The following ATP11C variants were observed in gnomAD, a reference collection of about 807,000 sequenced individuals.
The protein encoded by ATP11C is ATPase phospholipid transporting 11C (ATP11C blood group), also known as phospholipid-transporting ATPase IG.
A neutral mutation model predicts 97.4 loss-of-function variants in ATP11C; 36 were observed. The ratio of observed to expected loss-of-function variants is 0.37; its 90% CI spans 0.28 to 0.49. The LOEUF (loss-of-function observed/expected upper bound fraction) is 0.49, where lower values mean the gene tolerates loss of function less well. ATP11C is among the 20% of genes least tolerant of loss of function. The probability of loss-of-function intolerance (pLI) is 0.98; values close to 1 mark genes in which losing one functional copy is unlikely to be tolerated. For synonymous variants in ATP11C, 275 were observed against 290.9 expected (o/e 0.95, Z 0.56); for missense variants, 730 against 824.6 (o/e 0.89, Z 1.40).
At chrX:139,851,359 TGA>T (rs1466677860) in intron 1 of ATP11C, among the ~76,000 whole-genome samples, 1 of 112,095 alleles carries the variant, frequency 8.9e-6, no homozygotes, top group Non-Finnish European at 1.9e-5. Context: ...GTGCAGAATA[TGA>T]GAGTTGTGGG....
At position 139,783,286 on chromosome X, in the gene ATP11C, G is replaced by C; in HGVS notation, c.1667-19C>G. ...ATGTCTCCTAAAATAAAGAACCATA[G>C]TACTTGACTTAGAATTTTAAGGCTG... On this transcript the variant is annotated intron_variant, in intron 16 of 29. Transcript: ENST00000682941. 1 of 1,102,724 alleles carries C rather than the reference G, an allele frequency of 9.1e-7. No homozygotes were observed. The highest frequency in any genetic ancestry group is 1.2e-6 in the Non-Finnish European group (1 of 803,948). 90.9% of individuals were successfully genotyped at this position (1,102,724 alleles called of 1,213,427 possible). A position where few individuals can be genotyped will look rare whatever the true frequency, so the allele number is the denominator to read the frequency against.
chrX:139,873,673 C>G (rs1033405123), intron 1 of ATP11C, among the ~76,000 whole-genome samples: 1 of 90,242 alleles, frequency 1.1e-5, no homozygotes, highest in African/African-American at 4.4e-5. Context: ...CACCACTGCA[C>G]TCCAGGCTGG....
intron 12 of ATP11C, among the ~76,000 whole-genome samples, chrX:139,794,436 G>C (rs1221673594): frequency 8.9e-6 from 1 of 112,199 alleles, no homozygotes. Flanking sequence ...CTTTCATTTA[G>C]GTCGTTTCTA....
rs1443011660 is a variant in ATP11C at position 139,826,802 on chromosome X, C to T, written c.49G>A (p.Val17Ile). The T allele has an allele frequency of 1.7e-6, 2 of 1,207,491 alleles. No individual in the cohort carries two copies. The highest frequency in any genetic ancestry group is 1.7e-5 in the African/African-American group (1 of 57,711). ...CCAACAAACACTGTGCGTGTGCCAACTCGTTTCTCTTCTCCAGCACACTGA... is the reference window on the plus strand; with the variant it reads ...CCAACAAACACTGTGCGTGTGCCAATTCGTTTCTCTTCTCCAGCACACTGA... ...NRFCAGEEKR[V>I]GTRTVFVGNH... is the part of the protein sequence containing the mutation. The change falls in exon 2 of 30, where the codon GTT becomes ATT. Residue 17 changes from valine to isoleucine, a missense_variant. Transcript: ENST00000682941.
intron 1 of ATP11C, among the ~76,000 whole-genome samples, chrX:139,842,233 C>T (rs1033820774): frequency 1.8e-5 from 2 of 112,091 alleles, no homozygotes; most frequent in African/African-American, 3.2e-5. Context: ...AGGGTTTCAC[C>T]GTGTTAGCCA....
intron 1 of ATP11C, among the ~76,000 whole-genome samples, chrX:139,922,623 T>C (rs1227140182): frequency 2.7e-5 from 3 of 109,634 alleles, no homozygotes; most frequent in Non-Finnish European, 5.7e-5. Context: ...TTCACTCTTT[T>C]TCTGCCATGT....
chrX:139,912,470 T>C (rs1477129578), intron 1 of ATP11C, among the ~76,000 whole-genome samples: 1 of 110,848 alleles, frequency 9.0e-6, no homozygotes, highest in African/African-American at 3.3e-5. Context: ...GCACATATTT[T>C]ATATCTATTC....
Position 139,840,663 on chromosome X carries a change from C to T in ATP11C, c.28-13840G>A, listed in dbSNP as rs185928968. Among the ~76,000 whole-genome samples the T allele has an allele frequency of 1.3e-4, 15 of 111,931 alleles. No homozygotes were observed. In the Admixed American group the frequency reaches 1.4e-3, roughly 11 times the overall value. ...TTTCAGAAGGGCCTATCATCTGGCA[C>T]TAGTGTGTACCATGGAACAGAGGCT... On this transcript the variant is annotated intron_variant, in intron 1 of 29. Transcript: ENST00000682941.
chrX:139,934,350 C>A (rs1313951199), upstream of ATP11C, among the ~76,000 whole-genome samples: 1 of 111,026 alleles, frequency 9.0e-6, no homozygotes, highest in Non-Finnish European at 1.9e-5. Context: ...GTAAAACCAA[C>A]CGTTTTCAAT....
intron 20 of ATP11C, among the ~76,000 whole-genome samples, chrX:139,766,316 A>G (rs1049652985): frequency 4.5e-5 from 5 of 112,126 alleles, no homozygotes; most frequent in African/African-American, 1.6e-4. Context: ...AGGAATTCAT[A>G]TACCTGCCTG....
intron 1 of ATP11C, among the ~76,000 whole-genome samples, chrX:139,877,967 G>A (rs1409107987): frequency 9.0e-5 from 10 of 111,381 alleles, no homozygotes; most frequent in Non-Finnish European, 1.7e-4. Context: ...AGGTTGCAGT[G>A]AGCCGAGATC....
intron 1 of ATP11C, among the ~76,000 whole-genome samples, chrX:139,838,723 C>T (rs1016346625): frequency 6.2e-5 from 7 of 112,134 alleles, no homozygotes; most frequent in African/African-American, 3.2e-5. Flanking sequence ...CCAAGGTGGG[C>T]GGATCACCTG....
At chrX:139,743,511 T>A (rs750642177) in intron 26 of ATP11C, 48 bp downstream of exon 26, 3 of 846,496 alleles carry the variant, frequency 3.5e-6, no homozygotes, top group Non-Finnish European at 5.1e-6. Flanking sequence ...GACAAGAAAG[T>A]ATTATAAAAA....
At chrX:139,868,657 G>C (rs1476625682) in intron 1 of ATP11C, among the ~76,000 whole-genome samples, 2 of 108,838 alleles carry the variant, frequency 1.8e-5, no homozygotes, top group Non-Finnish European at 3.8e-5. Context: ...AACCCAGGAG[G>C]TGGAAGTTGC....
At chrX:139,759,350 C>T (rs1270397626) in intron 22 of ATP11C, among the ~76,000 whole-genome samples, 2 of 111,708 alleles carry the variant, frequency 1.8e-5, no homozygotes, top group Non-Finnish European at 1.9e-5. Context: ...ACTTAGAACT[C>T]GAACTATGAA....
chrX:139,900,097 G>A (rs1408938343), intron 1 of ATP11C, among the ~76,000 whole-genome samples: 1 of 111,755 alleles, frequency 8.9e-6, no homozygotes, highest in African/African-American at 3.3e-5. Flanking sequence ...CTGGCCGGGC[G>A]CGGTGGCTCA....
chrX:139,935,860 C>T (rs1182263676), upstream of ATP11C, among the ~76,000 whole-genome samples: 2 of 110,809 alleles, frequency 1.8e-5, no homozygotes, highest in Non-Finnish European at 3.8e-5. Flanking sequence ...CGTGGTGGCA[C>T]GCACCTGTAA....
intron 1 of ATP11C, among the ~76,000 whole-genome samples, chrX:139,916,519 G>C (rs957978235): frequency 9.0e-6 from 1 of 110,899 alleles, no homozygotes; most frequent in Non-Finnish European, 1.9e-5. Context: ...ACTACAAAAA[G>C]AGTATGAAGG....
At chrX:139,861,769 T>TACACACAC (rs5904005) in intron 1 of ATP11C, among the ~76,000 whole-genome samples, 39 of 101,341 alleles carry the variant, frequency 3.8e-4, no homozygotes, top group African/African-American at 1.1e-3. Context: ...AATCCTGTTA[T>TACACACAC]ACACACACAC....
Sources: allele counts gnomAD v4.1 joint callset (sites outside exome capture counted in the v4.1 genomes callset), GRCh38; gene constraint gnomAD v4.1.1; transcripts MANE v1.5; gene names NCBI Gene and HGNC (gene_info 2026-07-23, HGNC 2026-07-21).